The following GPX8 variants were observed in gnomAD, a reference collection of about 807,000 sequenced individuals.
The protein encoded by GPX8 is glutathione peroxidase 8 (putative).
GPX8 carries 12 observed loss-of-function variants against 17.8 expected under a neutral mutation model. The ratio of observed to expected loss-of-function variants is 0.67; its 90% CI spans 0.43 to 1.09. GPX8 has a LOEUF of 1.09. GPX8 is among the 50% of genes least tolerant of loss of function. The pLI is 0.00. For synonymous variants in GPX8, 86 were observed against 88.1 expected, an observed-to-expected ratio of 0.98 and a Z score of 0.14; for missense variants, 209 against 235.6, an observed-to-expected ratio of 0.89 and a Z score of 0.74.
chr5:55,165,477 A>T lies in GPX8; in HGVS notation c.*1259A>T, dbSNP rs1292126283. ...TAAGTAGTCTGTGACTTGACTCCCA[A>T]ATTCTGACCTGATGGATGAAAGTGA... On this transcript the variant is annotated 3_prime_UTR_variant, in exon 3 of 3. Coordinates refer to ENST00000503787, the MANE Select transcript of GPX8 (RefSeq NM_001008397.4). The T allele has an allele frequency of 1.3e-5, 2 of 152,236 alleles. No homozygotes were observed. 9.4% of individuals were successfully genotyped at this position (152,236 alleles called of 1,614,324 possible).
In GPX8 at chr5:55,165,873, A is replaced by C. The variant is rs1744356267; in HGVS notation, c.*1655A>C. The C allele has an allele frequency of 6.6e-6, 1 of 152,248 alleles. No individual in the cohort carries two copies. Among genetic ancestry groups the C allele is most frequent in the Non-Finnish European group, 1.5e-5 (1 of 68,046 alleles). The allele number at this position is 152,248 out of a possible 1,614,324, so 9.4% of individuals were successfully genotyped here. ...AAAGCCCTTTGCAACTCTAAAAGTC[A>C]ATTAACACACTTACTAAGGTGTTTT... On this transcript the variant is annotated 3_prime_UTR_variant, in exon 3 of 3. Coordinates refer to ENST00000503787, the MANE Select transcript of GPX8 (RefSeq NM_001008397.4).
chr5:55,160,944 T>C, intron 1 of GPX8, 50 bp from the exon 2 acceptor site: 3 of 1,568,452 alleles, frequency 1.9e-6, no homozygotes, highest in Non-Finnish European at 2.6e-6. Flanking sequence ...CAGAATTTTT[T>C]AAAATCTTTT....
intron 2 of GPX8, among the ~76,000 whole-genome samples, chr5:55,163,488 AC>A (rs1172376013): frequency 6.6e-6 from 1 of 152,070 alleles, no homozygotes; most frequent in Admixed American, 6.5e-5. Context: ...TGGGATTACA[AC>A]TTTGCTTCAT....
chr5:55,160,697 G>A, intron 1 of GPX8: 1 of 447,566 alleles, frequency 2.2e-6, no homozygotes. Flanking sequence ...TAAAAGTATT[G>A]GTTCTATAAT....
intron 2 of GPX8, among the ~76,000 whole-genome samples, chr5:55,163,305 A>G (rs1310818936): frequency 2.0e-5 from 3 of 152,126 alleles, no homozygotes; most frequent in Non-Finnish European, 4.4e-5. Context: ...GGATCACTTT[A>G]GTGCCCAGGA....
At chr5:55,161,655 T>G (rs1163379713) in intron 2 of GPX8, among the ~76,000 whole-genome samples, 3 of 152,226 alleles carry the variant, frequency 2.0e-5, no homozygotes, top group Non-Finnish European at 2.9e-5. Context: ...TAACATATGT[T>G]TGTGGCTAAT....
rs1303736038 is a variant in GPX8, at chr5:55,161,010, A to C, written c.221A>C (p.Asn74Thr). Residue 74 changes from asparagine (N) to threonine (T), a missense_variant, in exon 2 of 3, where the codon AAC becomes ACC. Transcript: ENST00000503787. ...TTCCGGGAGGTTTCACTAGTTGTAA[A>C]CGTGGCCAGTGACTGCCAACTCACA... ...KYKGKVSLVV[N>T]VASDCQLTDR... 8.7e-6 allele frequency: 14 copies of C among 1,613,126 alleles called. No individual in the cohort carries two copies. The highest frequency in any genetic ancestry group is 1.2e-5 in the Non-Finnish European group (14 of 1,179,666).
Position 55,161,060 on chromosome 5 carries a change from G to T in GPX8, c.271G>T (p.Glu91Ter). The T allele has an allele frequency of 6.2e-7, 1 of 1,614,152 alleles. No homozygotes were observed. The highest frequency in any genetic ancestry group is 1.7e-5 in the Admixed American group (1 of 60,018). ...LTDRNYLGLK[E>*]LHKEFGPSHF... is the part of the protein sequence containing the mutation. Reference sequence around the variant, plus strand: ...AGACAGAAATTACTTAGGGCTGAAGGAACTGCACAAAGAGTTTGGACCATC... The same window carrying T: ...AGACAGAAATTACTTAGGGCTGAAGTAACTGCACAAAGAGTTTGGACCATC... Residue 91 changes from glutamate (E) to a stop codon, truncating the protein, a stop_gained, in exon 2 of 3, where the codon GAA becomes TAA. Coordinates refer to ENST00000503787, the MANE Select transcript of GPX8 (RefSeq NM_001008397.4). LOFTEE classifies it high-confidence loss of function.
chr5:55,163,035 C>G (rs1223891803), intron 2 of GPX8, among the ~76,000 whole-genome samples: 2 of 152,020 alleles, frequency 1.3e-5, no homozygotes, highest in Non-Finnish European at 2.9e-5. Context: ...TCATAGGGTC[C>G]CTGTAAGATT....
chr5:55,163,972 T>C, intron 2 of GPX8, 83 bp from the exon 3 acceptor site: 1 of 1,034,218 alleles, frequency 9.7e-7, no homozygotes, highest in Non-Finnish European at 1.4e-6. Context: ...ACTAAAGTTA[T>C]CATTTATGCA....
At position 55,166,023 on chromosome 5, in the gene GPX8, C is replaced by T. The variant is rs1744364253; in HGVS notation, c.*1805C>T. 2 of 152,248 alleles carry T rather than the reference C, an allele frequency of 1.3e-5. No homozygotes were observed. Among genetic ancestry groups the T allele is most frequent in the African/African-American group, 4.8e-5 (2 of 41,468 alleles). 9.4% of individuals were successfully genotyped at this position (152,248 alleles called of 1,614,324 possible). On this transcript the variant is annotated 3_prime_UTR_variant, in exon 3 of 3. Transcript: ENST00000503787. Reference sequence around the variant, plus strand: ...CCTATTAGCAATTTGAATTCTGAGCCTCTAAGAAAACTTATGCTCAGGTGG... The same window carrying T: ...CCTATTAGCAATTTGAATTCTGAGCTTCTAAGAAAACTTATGCTCAGGTGG...
intron 1 of GPX8, 125 bp from the exon 2 acceptor site, chr5:55,160,869 A>C: frequency 9.5e-7 from 1 of 1,054,146 alleles, no homozygotes. Context: ...ATGTCCAAAA[A>C]TATGAAAAAA....
rs950802917 is a variant in GPX8, at chr5:55,164,272, C to T, written c.*54C>T. On this transcript the variant is annotated 3_prime_UTR_variant, in exon 3 of 3. Coordinates refer to ENST00000503787, the MANE Select transcript of GPX8 (RefSeq NM_001008397.4). ...AGAAATGTCTCCATGAGGGTTTGGT[C>T]TCATTTTAAACATTTTTTTTTTGGA... 28 of 1,357,212 alleles carry T rather than the reference C, an allele frequency of 2.1e-5. No homozygotes were observed. The highest frequency in any genetic ancestry group is 3.9e-4 in the Middle Eastern group (2 of 5,162). The allele number at this position is 1,357,212 out of a possible 1,614,324, so 84.1% of individuals were successfully genotyped here.
chr5:55,160,460 T>TA, intron 1 of GPX8, 64 bp downstream of exon 1: 2 of 1,351,094 alleles, frequency 1.5e-6, no homozygotes, highest in Non-Finnish European at 2.1e-6. Context: ...TTCCTCTTAA[T>TA]AAAATCAATT....
At position 55,166,150 on chromosome 5, in the gene GPX8, A is replaced by T. The variant is rs1171348885; in HGVS notation, c.*1932A>T. On this transcript the variant is annotated 3_prime_UTR_variant, in exon 3 of 3. Transcript: ENST00000503787. ...GTGGCACTGCAGGGGTGTTTTATGC[A>T]TTCACGTTAGGAGCATGAGCAGAAC... 6.6e-6 allele frequency: 1 copy of T among 152,220 alleles called. No homozygotes were observed. Among genetic ancestry groups the T allele is most frequent in the Non-Finnish European group, 1.5e-5 (1 of 68,052 alleles). The allele number at this position is 152,220 out of a possible 1,614,324, so 9.4% of individuals were successfully genotyped here. A position where few individuals can be genotyped will look rare whatever the true frequency, so the allele number is the denominator to read the frequency against.
chr5:55,162,091 A>C (rs1443151979), intron 2 of GPX8, among the ~76,000 whole-genome samples: 4 of 7,322 alleles, frequency 5.5e-4, no homozygotes, highest in Non-Finnish European at 1.3e-3. Context: ...CATATTAGTC[A>C]AAAAAAAAAA....
chr5:55,161,478 A>C (rs909241712), intron 2 of GPX8, among the ~76,000 whole-genome samples: 13 of 152,166 alleles, frequency 8.5e-5, no homozygotes, highest in African/African-American at 2.9e-4. Context: ...ATTCCAATAT[A>C]TTTTATTCCT....
chr5:55,160,531 C>T, intron 1 of GPX8, 135 bp downstream of exon 1: 1 of 632,522 alleles, frequency 1.6e-6, no homozygotes, highest in Non-Finnish European at 2.7e-6. Context: ...ATTAGTACAT[C>T]ACTTTAGTTA....
At chr5:55,163,342 C>T (rs973063682) in intron 2 of GPX8, among the ~76,000 whole-genome samples, 8 of 151,784 alleles carry the variant, frequency 5.3e-5, no homozygotes, top group South Asian at 2.1e-4. Context: ...GGCAACACAG[C>T]GAGACCCTGC....
Sources: gnomAD v4.1 joint callset for allele counts (sites outside exome capture counted in the v4.1 genomes callset) on GRCh38, gnomAD v4.1.1 for gene constraint, MANE v1.5 for transcripts, NCBI Gene and HGNC (gene_info 2026-07-23, HGNC 2026-07-21) for gene names.